UBE2D2: variants seen among roughly 807,000 people sequenced by gnomAD.
UBE2D2 encodes ubiquitin-conjugating enzyme E2 D2.
In UBE2D2, 2 loss-of-function variants were observed where a neutral mutation model predicts 24.2. The ratio of observed to expected loss-of-function variants is 0.08; its 90% CI spans 0.03 to 0.26. The LOEUF (loss-of-function observed/expected upper bound fraction) is 0.26, where lower values mean the gene tolerates loss of function less well. Ranked by LOEUF, UBE2D2 falls within the 10% of genes least tolerant of loss-of-function variation. The pLI, the probability that UBE2D2 is intolerant of heterozygous loss-of-function variation, is 1.00. For synonymous variants in UBE2D2, 58 were observed against 56.5 expected, an observed-to-expected ratio of 1.03 and a Z score of -0.12; for missense variants, 44 against 177.6, an observed-to-expected ratio of 0.25 and a Z score of 4.28.
At chr5:139,540,733 G>A (rs796098241) in intron 1 of UBE2D2, among the ~76,000 whole-genome samples, 1 of 152,186 alleles carries the variant, frequency 6.6e-6, no homozygotes, top group African/African-American at 2.4e-5. Flanking sequence ...GTTCATGCCT[G>A]TAATGCCAGC....
chr5:139,530,839 T>C lies in UBE2D2; in HGVS notation c.-64+4227T>C, dbSNP rs114451383. Among the ~76,000 whole-genome samples, 1,153 of 152,258 alleles carry C rather than the reference T, an allele frequency of 7.6e-3. 6 individuals are homozygous for C. The highest frequency in any genetic ancestry group is 0.012 in the Non-Finnish European group (792 of 68,024). On this transcript the variant is annotated intron_variant, in intron 1 of 6. Coordinates refer to the UBE2D2 transcript ENST00000511725. Reference sequence around the variant, plus strand: ...ATGTTTGAAAATTGGTTCCCAGCAATAGGAAAATTTAAAACTCTTGTAATA... The same window carrying C: ...ATGTTTGAAAATTGGTTCCCAGCAACAGGAAAATTTAAAACTCTTGTAATA...
At chr5:139,614,441 G>C in intron 2 of UBE2D2, 145 bp from the exon 3 acceptor site, 1 of 946,550 alleles carries the variant, frequency 1.1e-6, no homozygotes, top group Non-Finnish European at 1.6e-6. Context: ...TCTTTAGACT[G>C]TTAATTTATG....
intron 1 of UBE2D2, among the ~76,000 whole-genome samples, chr5:139,570,453 G>A (rs1191074049): frequency 2.0e-5 from 3 of 152,044 alleles, no homozygotes; most frequent in Non-Finnish European, 2.9e-5. Flanking sequence ...AGATTCTCCT[G>A]CCTCAGCCTC....
chr5:139,613,945 C>T lies in UBE2D2; in HGVS notation c.89-641C>T, dbSNP rs530003868. ...GGTGTGGTGGCACTTGCCTGTAGTC[C>T]CAGCTACTTGGGAGGCTGAGGCAGG... On this transcript the variant is annotated intron_variant, in intron 2 of 6. Coordinates refer to ENST00000398733, the MANE Select transcript of UBE2D2 (RefSeq NM_003339.3). 2.5e-4 allele frequency among the ~76,000 whole-genome samples: 38 copies of T among 152,010 alleles called. 1 individual carries two copies. The East Asian group carries it at 7.1e-3, about 29-fold the overall frequency.
chr5:139,581,630 A>G (rs1049716407), intron 1 of UBE2D2, among the ~76,000 whole-genome samples: 4 of 151,964 alleles, frequency 2.6e-5, no homozygotes, highest in South Asian at 2.1e-4. Context: ...GCCTTGCACA[A>G]TTTTTTGGAG....
chr5:139,587,704 A>G (rs1482148516), intron 1 of UBE2D2, among the ~76,000 whole-genome samples: 1 of 151,126 alleles, frequency 6.6e-6, no homozygotes, highest in Non-Finnish European at 1.5e-5. Flanking sequence ...ACGGACCAGA[A>G]GAGTGCGGTT....
At chr5:139,583,663 G>GA (rs542485201) in intron 1 of UBE2D2, among the ~76,000 whole-genome samples, 14 of 152,196 alleles carry the variant, frequency 9.2e-5, no homozygotes, top group Non-Finnish European at 5.9e-5. Flanking sequence ...TCGGGAGGCT[G>GA]AGACAGGAGA....
chr5:139,545,687 G>A (rs1312497920), intron 1 of UBE2D2, among the ~76,000 whole-genome samples: 1 of 150,370 alleles, frequency 6.7e-6, no homozygotes, highest in Non-Finnish European at 1.5e-5. Context: ...ACCTCCCAAA[G>A]GTCTGGGATT....
Position 139,528,526 on chromosome 5 carries a change from C to A in UBE2D2, c.-64+1914C>A, listed in dbSNP as rs146061023. On this transcript the variant is annotated intron_variant, in intron 1 of 6. Transcript: ENST00000511725. ...ACTAGACGGGGTTTCCAAAGGCTGG[C>A]CCCCATGTCCAAGGGTCCTGGCAGC... Among the ~76,000 whole-genome samples, 1,042 of 152,268 alleles carry A rather than the reference C, an allele frequency of 6.8e-3. 19 individuals carry two copies. Among genetic ancestry groups the A allele is most frequent in the African/African-American group, 0.024 (1,003 of 41,544 alleles).
At chr5:139,526,247 G>C (rs1215433100), upstream of UBE2D2, among the ~76,000 whole-genome samples, 1 of 152,188 alleles carries the variant, frequency 6.6e-6, no homozygotes, top group Non-Finnish European at 1.5e-5. Flanking sequence ...AGGGAGCTGG[G>C]ATTTTAAGGC....
chr5:139,606,432 G>A (rs1754202475), intron 2 of UBE2D2, among the ~76,000 whole-genome samples: 1 of 152,054 alleles, frequency 6.6e-6, no homozygotes, highest in South Asian at 2.1e-4. Flanking sequence ...CAAACTGCTG[G>A]GATTACAGGC....
chr5:139,555,870 G>A (rs1752974909), intron 1 of UBE2D2, among the ~76,000 whole-genome samples: 1 of 132,510 alleles, frequency 7.5e-6, no homozygotes, highest in Admixed American at 8.5e-5. Context: ...AGGTTGCAGT[G>A]AGCTGAGATC....
At chr5:139,551,077 G>A (rs1233190444) in intron 1 of UBE2D2, among the ~76,000 whole-genome samples, 2 of 152,094 alleles carry the variant, frequency 1.3e-5, no homozygotes, top group South Asian at 2.1e-4. Flanking sequence ...GGAGGGGGGA[G>A]GTCACACCTG....
At chr5:139,536,995 T>A (rs529954305) in intron 1 of UBE2D2, among the ~76,000 whole-genome samples, 1 of 151,792 alleles carries the variant, frequency 6.6e-6, no homozygotes. Context: ...CTGGCTAACA[T>A]GGTGAAACCC....
chr5:139,605,753 T>C (rs2041009048), intron 2 of UBE2D2, among the ~76,000 whole-genome samples: 1 of 148,534 alleles, frequency 6.7e-6, no homozygotes, highest in South Asian at 2.3e-4. Context: ...TCTGGTCTTC[T>C]TTAAAGGCAG....
intron 1 of UBE2D2, among the ~76,000 whole-genome samples, chr5:139,542,055 C>T (rs1463126563): frequency 2.6e-5 from 4 of 151,694 alleles, no homozygotes; most frequent in Admixed American, 6.6e-5. Context: ...GGCATGGTGG[C>T]GTGCACCTGT....
rs893466029 is a variant in UBE2D2 at position 139,626,816 on chromosome 5, G to A, written c.*15G>A. On this transcript the variant is annotated 3_prime_UTR_variant, in exon 7 of 7. Transcript: ENST00000398733. Reference sequence around the variant, plus strand: ...ATGCGATGTAATTAAAGAAATTATTGGATAACCTCTACAAATAAAGATAGG... The same window carrying A: ...ATGCGATGTAATTAAAGAAATTATTAGATAACCTCTACAAATAAAGATAGG... 3 of 1,607,518 alleles carry A rather than the reference G, an allele frequency of 1.9e-6. No individual in the cohort carries two copies. Among genetic ancestry groups the A allele is most frequent in the Non-Finnish European group, 2.6e-6 (3 of 1,175,600 alleles).
At chr5:139,550,547 T>G (rs1752899250) in intron 1 of UBE2D2, among the ~76,000 whole-genome samples, 1 of 151,988 alleles carries the variant, frequency 6.6e-6, no homozygotes, top group South Asian at 2.1e-4. Flanking sequence ...GGCAACTGGC[T>G]CAGGTTCTCT....
intron 1 of UBE2D2, among the ~76,000 whole-genome samples, chr5:139,538,034 G>A (rs1379674684): frequency 2.0e-5 from 3 of 151,358 alleles, no homozygotes. Context: ...TTGTTTGTTT[G>A]TTTGTTTGTT....
Sources: allele counts gnomAD v4.1 joint callset (sites outside exome capture counted in the v4.1 genomes callset), GRCh38; gene constraint gnomAD v4.1.1; transcripts MANE v1.5; gene names NCBI Gene and HGNC (gene_info 2026-07-23, HGNC 2026-07-21).